Variants in CDK14 observed in about 807,000 individuals in gnomAD.
The protein encoded by CDK14 is cyclin-dependent kinase 14.
A neutral mutation model predicts 60.7 loss-of-function variants in CDK14; 34 were observed. The ratio of observed to expected loss-of-function variants is 0.56; its 90% CI spans 0.43 to 0.75. The LOEUF is 0.75. CDK14 is among the 30% of genes least tolerant of loss of function. CDK14 has a pLI of 0.00. For synonymous variants in CDK14, 197 were observed against 203.7 expected, an observed-to-expected ratio of 0.97 and a Z score of 0.28; for missense variants, 482 against 564.1, an observed-to-expected ratio of 0.85 and a Z score of 1.47.
intron 8 of CDK14, among the ~76,000 whole-genome samples, chr7:90,933,083 T>C (rs1793643782): frequency 6.6e-6 from 1 of 152,146 alleles, no homozygotes; most frequent in Admixed American, 6.5e-5. Flanking sequence ...CTCATGTCTG[T>C]AATCCCAGCA....
At chr7:91,094,151 C>T (rs1413413146) in intron 12 of CDK14, among the ~76,000 whole-genome samples, 3 of 151,946 alleles carry the variant, frequency 2.0e-5, no homozygotes, top group South Asian at 2.1e-4. Flanking sequence ...CAAACCTGCA[C>T]GTGTACCCCC....
At chr7:91,076,665 T>A (rs531507101) in intron 11 of CDK14, among the ~76,000 whole-genome samples, 3 of 152,150 alleles carry the variant, frequency 2.0e-5, no homozygotes, top group East Asian at 3.9e-4. Flanking sequence ...CTAATTAAAC[T>A]AAAGAGCTTC....
chr7:91,183,969 A>T (rs564643265), intron 14 of CDK14, among the ~76,000 whole-genome samples: 1 of 152,162 alleles, frequency 6.6e-6, no homozygotes, highest in Non-Finnish European at 1.5e-5. Context: ...CCAAGGCAGG[A>T]GGATCACTTG....
At chr7:90,690,585 A>G (rs1176065392) in intron 2 of CDK14, among the ~76,000 whole-genome samples, 1 of 152,138 alleles carries the variant, frequency 6.6e-6, no homozygotes, top group African/African-American at 2.4e-5. Flanking sequence ...TCATCTTAGC[A>G]GGAAGTTTCT....
At chr7:90,676,064 C>T (rs994949119) in intron 2 of CDK14, among the ~76,000 whole-genome samples, 1 of 152,166 alleles carries the variant, frequency 6.6e-6, no homozygotes, top group Non-Finnish European at 1.5e-5. Flanking sequence ...TTATTGAGCA[C>T]ATACTATATG....
At chr7:91,019,573 C>T (rs189025479) in intron 10 of CDK14, among the ~76,000 whole-genome samples, 4 of 152,266 alleles carry the variant, frequency 2.6e-5, no homozygotes, top group Admixed American at 1.3e-4. Context: ...CTCCAATTCA[C>T]ACCTCTATTC....
intron 2 of CDK14, among the ~76,000 whole-genome samples, chr7:90,705,770 A>C (rs187266278): frequency 6.6e-6 from 1 of 151,760 alleles, no homozygotes; most frequent in East Asian, 1.9e-4. Context: ...TTGATGCTAA[A>C]AAGAGAATGA....
chr7:90,729,916 G>C (rs1408452932), intron 3 of CDK14, among the ~76,000 whole-genome samples: 1 of 151,890 alleles, frequency 6.6e-6, no homozygotes, highest in Admixed American at 6.6e-5. Context: ...GGGTACATGT[G>C]CAGAACATGC....
intron 9 of CDK14, among the ~76,000 whole-genome samples, chr7:90,963,086 AGTGTGTGTGTGTGT>A (rs34662049): frequency 2.1e-5 from 3 of 142,180 alleles, no homozygotes; most frequent in East Asian, 2.2e-4. Flanking sequence ...TCATCTTAAG[AGTGTGTGTGTGTGT>A]GTGTGTGTGT....
At chr7:90,943,005 C>G (rs1351660749) in intron 8 of CDK14, among the ~76,000 whole-genome samples, 3 of 152,040 alleles carry the variant, frequency 2.0e-5, no homozygotes, top group African/African-American at 7.2e-5. Flanking sequence ...ACTGTCGAGT[C>G]TGGACATACC....
At chr7:90,750,422 G>T (rs1803791254) in intron 4 of CDK14, among the ~76,000 whole-genome samples, 1 of 152,084 alleles carries the variant, frequency 6.6e-6, no homozygotes, top group Non-Finnish European at 1.5e-5. Flanking sequence ...ATAATTGAAA[G>T]CATGGATTAC....
intron 11 of CDK14, among the ~76,000 whole-genome samples, chr7:91,057,419 A>C (rs2116089182): frequency 6.6e-6 from 1 of 152,016 alleles, no homozygotes; most frequent in South Asian, 2.1e-4. Flanking sequence ...ATTAGATCCC[A>C]TTTGTCAATT....
chr7:91,188,701 G>A (rs1427237843), intron 14 of CDK14, among the ~76,000 whole-genome samples: 1 of 152,170 alleles, frequency 6.6e-6, no homozygotes, highest in Non-Finnish European at 1.5e-5. Context: ...TATGGTTATA[G>A]AGAAACTAGT....
chr7:90,995,110 G>T (rs1477740464), intron 10 of CDK14, among the ~76,000 whole-genome samples: 1 of 152,138 alleles, frequency 6.6e-6, no homozygotes, highest in South Asian at 2.1e-4. Flanking sequence ...CACTTCTAAT[G>T]GATAGAATAT....
chr7:90,652,377 C>T (rs573226524), intron 2 of CDK14, among the ~76,000 whole-genome samples: 3 of 152,296 alleles, frequency 2.0e-5, no homozygotes, highest in Admixed American at 6.5e-5. Flanking sequence ...AATGGTACTT[C>T]TGTTCTTCAG....
chr7:90,872,440 C>T (rs970675297), intron 6 of CDK14, among the ~76,000 whole-genome samples: 1 of 152,022 alleles, frequency 6.6e-6, no homozygotes, highest in Admixed American at 6.6e-5. Flanking sequence ...GAATTCTGAA[C>T]CATAAGGAGA....
chr7:90,917,969 A>G (rs1010914140), intron 8 of CDK14, among the ~76,000 whole-genome samples: 2 of 152,164 alleles, frequency 1.3e-5, no homozygotes, highest in Non-Finnish European at 2.9e-5. Context: ...GATCTTGGTA[A>G]TATATATTTC....
intron 5 of CDK14, among the ~76,000 whole-genome samples, chr7:90,850,764 C>A (rs1022996705): frequency 2.6e-5 from 4 of 152,058 alleles, no homozygotes; most frequent in Non-Finnish European, 5.9e-5. Context: ...TCTTCTAAGT[C>A]CTGTTAAGCA....
At chr7:91,091,213 T>A (rs1024143640) in intron 12 of CDK14, among the ~76,000 whole-genome samples, 1 of 150,214 alleles carries the variant, frequency 6.7e-6, no homozygotes, top group African/African-American at 2.4e-5. Flanking sequence ...CTAGGTGACA[T>A]GACAAGACCC....
Sources: gnomAD v4.1 joint callset for allele counts (sites outside exome capture counted in the v4.1 genomes callset) on GRCh38, gnomAD v4.1.1 for gene constraint, MANE v1.5 for transcripts, NCBI Gene and HGNC (gene_info 2026-07-23, HGNC 2026-07-21) for gene names.